The following DMGDH variants were observed in gnomAD, a reference collection of about 807,000 sequenced individuals.
DMGDH encodes the protein dimethylglycine dehydrogenase.
Under a neutral mutation model 95.2 loss-of-function variants are expected in DMGDH, and 76 were observed. The ratio of observed to expected loss-of-function variants is 0.80; its 90% CI spans 0.66 to 0.97. The LOEUF is 0.97. Among genes scored for constraint, DMGDH ranks in the 50% least tolerant of loss-of-function variants. The pLI, the probability that DMGDH is intolerant of heterozygous loss-of-function variation, is 0.00. For missense variants in DMGDH, 987 were observed against 1,055.0 expected (o/e 0.94, Z 0.89); for synonymous variants, 345 against 377.6 (o/e 0.91, Z 1.00).
At chr5:79,057,230 G>A (rs1266073549) in intron 2 of DMGDH, among the ~76,000 whole-genome samples, 1 of 152,192 alleles carries the variant, frequency 6.6e-6, no homozygotes, top group Non-Finnish European at 1.5e-5. Context: ...TCTGGCAGAT[G>A]TAATGTGGAA....
intron 7 of DMGDH, among the ~76,000 whole-genome samples, chr5:79,036,615 G>A (rs967763578): frequency 5.9e-5 from 9 of 152,138 alleles, no homozygotes; most frequent in African/African-American, 1.9e-4. Flanking sequence ...GATATTCTGC[G>A]AGTAAGGTAA....
chr5:79,048,538 T>C (rs1754745735), intron 5 of DMGDH, among the ~76,000 whole-genome samples: 2 of 151,512 alleles, frequency 1.3e-5, no homozygotes, highest in African/African-American at 4.9e-5. Flanking sequence ...ACTGAGAAAC[T>C]GTGGGAAACA....
At chr5:79,015,300 C>A in intron 14 of DMGDH, among the ~76,000 whole-genome samples, 1 of 152,166 alleles carries the variant, frequency 6.6e-6, no homozygotes, top group Admixed American at 6.5e-5. Flanking sequence ...ATGGCCACTG[C>A]TTTAGTTGAA....
chr5:79,038,224 C>T (rs567964055), intron 7 of DMGDH, among the ~76,000 whole-genome samples: 1 of 152,186 alleles, frequency 6.6e-6, no homozygotes, highest in Admixed American at 6.5e-5. Flanking sequence ...TGGCTGATAC[C>T]TGAAATCCCA....
At chr5:79,010,065 A>T (rs992988140) in intron 14 of DMGDH, among the ~76,000 whole-genome samples, 6 of 152,172 alleles carry the variant, frequency 3.9e-5, no homozygotes, top group African/African-American at 1.4e-4. Context: ...TTTAAAATTT[A>T]TTAATTTTAA....
At chr5:79,028,214 A>AC (rs1157269222) in intron 12 of DMGDH, among the ~76,000 whole-genome samples, 2 of 152,040 alleles carry the variant, frequency 1.3e-5, no homozygotes, top group Non-Finnish European at 2.9e-5. Flanking sequence ...AATCTGTGGA[A>AC]CCACTTTCAA....
intron 15 of DMGDH, chr5:79,000,436 T>C (rs544322158): frequency 1.6e-6 from 1 of 622,080 alleles, no homozygotes; most frequent in Admixed American, 1.8e-5. Context: ...AAGAACCATT[T>C]TCACCTGTTT....
chr5:79,059,236 G>A (rs73132150), intron 2 of DMGDH, among the ~76,000 whole-genome samples: 10,858 of 152,250 alleles, frequency 0.071, 866 homozygotes, highest in African/African-American at 0.18. Context: ...TAAAATATCT[G>A]TGCTACCTTA....
intron 9 of DMGDH, among the ~76,000 whole-genome samples, chr5:79,031,799 A>G (rs1561216574): frequency 6.6e-6 from 1 of 152,230 alleles, no homozygotes; most frequent in Non-Finnish European, 1.5e-5. Context: ...ATGGTAGAAA[A>G]AACTTAGGCC....
chr5:79,063,411 GA>G (rs1372490194), intron 2 of DMGDH, among the ~76,000 whole-genome samples: 1 of 152,174 alleles, frequency 6.6e-6, no homozygotes, highest in African/African-American at 2.4e-5. Context: ...TTCGAATCCA[GA>G]AGCCATCTGT....
intron 14 of DMGDH, among the ~76,000 whole-genome samples, chr5:79,010,886 G>A (rs1753638067): frequency 6.6e-6 from 1 of 152,130 alleles, no homozygotes; most frequent in Non-Finnish European, 1.5e-5. Context: ...AAGTGGCAGA[G>A]TGGAGATGGA....
chr5:79,066,452 AT>A (rs762509914), intron 1 of DMGDH, among the ~76,000 whole-genome samples: 2,329 of 138,772 alleles, frequency 0.017, 35 homozygotes, highest in African/African-American at 0.047. Context: ...CGCCCGGCTA[AT>A]TTTTTTTTTT....
chr5:79,065,383 T>C (rs1257113145), intron 1 of DMGDH, among the ~76,000 whole-genome samples: 2 of 151,882 alleles, frequency 1.3e-5, no homozygotes, highest in Non-Finnish European at 2.9e-5. Context: ...AGCTAATTTT[T>C]GTATTTTTAG....
chr5:79,023,895 G>C (rs1056838802), intron 14 of DMGDH, among the ~76,000 whole-genome samples: 1 of 152,190 alleles, frequency 6.6e-6, no homozygotes, highest in Non-Finnish European at 1.5e-5. Flanking sequence ...CACTATGTTT[G>C]ATCAGCTAAT....
intron 14 of DMGDH, chr5:79,021,476 GC>G: frequency 5.6e-6 from 7 of 1,243,450 alleles, no homozygotes; most frequent in Non-Finnish European, 7.3e-6. Context: ...GGGGAAGGAG[GC>G]TGGAACAACT....
chr5:79,050,262 AAAAAAAAAAAAATATATATATATAT>A (rs1711756470), intron 5 of DMGDH, among the ~76,000 whole-genome samples: 1 of 65,216 alleles, frequency 1.5e-5, no homozygotes, highest in African/African-American at 5.4e-5. Context: ...AAAAAAAAAA[AAAAAAAAAAAAATATATATATATAT>A]ATATATATAT....
chr5:79,045,365 A>G lies in DMGDH; in HGVS notation c.746-813T>C, dbSNP rs533711110. ...TGCGGAGGTGAATGTTATTTTTTTC[A>G]TTTGCAAAAGATAGAACTGGATAAT... is the stretch of plus-strand genomic sequence containing the variant. On this transcript the variant is annotated intron_variant, in intron 5 of 15. Transcript: ENST00000255189. Among the ~76,000 whole-genome samples the G allele has an allele frequency of 7.4e-4, 113 of 151,886 alleles. 2 individuals carry two copies. Among genetic ancestry groups the G allele is most frequent in the Non-Finnish European group, 6.6e-4 (45 of 67,968 alleles).
At chr5:79,058,412 C>T (rs925359910) in intron 2 of DMGDH, among the ~76,000 whole-genome samples, 1 of 152,070 alleles carries the variant, frequency 6.6e-6, no homozygotes, top group South Asian at 2.1e-4. Context: ...GTGACTTCAA[C>T]GAGGACATAT....
At chr5:79,068,011 A>C (rs1755428692) in intron 1 of DMGDH, among the ~76,000 whole-genome samples, 1 of 152,130 alleles carries the variant, frequency 6.6e-6, no homozygotes. Flanking sequence ...TCCGCCTCCC[A>C]GGTTCAAGCG....
Sources: allele counts gnomAD v4.1 joint callset (sites outside exome capture counted in the v4.1 genomes callset), GRCh38; gene constraint gnomAD v4.1.1; transcripts MANE v1.5; gene names NCBI Gene and HGNC (gene_info 2026-07-23, HGNC 2026-07-21).